GRID2: variants seen among roughly 807,000 people sequenced by gnomAD.
The protein encoded by GRID2 is glutamate ionotropic receptor delta type subunit 2, also known as glutamate receptor ionotropic, delta-2.
Under a neutral mutation model 114.8 loss-of-function variants are expected in GRID2, and 33 were observed. The observed-to-expected ratio is 0.29, with a 90% CI of 0.22 to 0.38. GRID2 has a LOEUF of 0.38. Ranked by LOEUF, GRID2 falls within the 10% of genes least tolerant of loss-of-function variation. GRID2 has a pLI of 1.00. For synonymous variants in GRID2, 505 were observed against 449.9 expected, an observed-to-expected ratio of 1.12 and a Z score of -1.55; for missense variants, 1,184 against 1,257.7, an observed-to-expected ratio of 0.94 and a Z score of 0.89.
intron 1 of GRID2, among the ~76,000 whole-genome samples, chr4:92,415,412 A>G (rs529955813): frequency 6.6e-6 from 1 of 151,770 alleles, no homozygotes; most frequent in Non-Finnish European, 1.5e-5. Flanking sequence ...ATTTTGGTGC[A>G]CTGATTACCC....
In GRID2 at chr4:93,109,602, A is replaced by T. The variant is rs545354416; in HGVS notation, c.530-1146A>T. ...AAATTTTACTTGCAGGGAAGCACAC[A>T]CTATTAAGGATTTTGAGATCTAGTC... On this transcript the variant is annotated intron_variant, in intron 3 of 15. Coordinates refer to ENST00000282020, the MANE Select transcript of GRID2 (RefSeq NM_001510.4). 3.3e-5 allele frequency among the ~76,000 whole-genome samples: 5 copies of T among 152,070 alleles called. No individual in the cohort carries two copies. In the East Asian group the frequency reaches 9.6e-4, roughly 29 times the overall value.
At chr4:92,636,196 T>C (rs555858087) in intron 2 of GRID2, among the ~76,000 whole-genome samples, 1 of 152,100 alleles carries the variant, frequency 6.6e-6, no homozygotes, top group South Asian at 2.1e-4. Context: ...TCGTTGAAGA[T>C]TATTAATCAC....
chr4:92,978,380 A>T (rs1006133482), intron 2 of GRID2, among the ~76,000 whole-genome samples: 17 of 152,066 alleles, frequency 1.1e-4, no homozygotes, highest in African/African-American at 3.6e-4. Flanking sequence ...CTATAAGAGG[A>T]AGTTCATTAT....
intron 8 of GRID2, among the ~76,000 whole-genome samples, chr4:93,252,539 T>C (rs892288388): frequency 1.3e-5 from 2 of 152,148 alleles, no homozygotes; most frequent in Non-Finnish European, 2.9e-5. Context: ...TAGGATTGTC[T>C]TGACCATTTG....
At chr4:92,539,243 T>C (rs774014742) in intron 1 of GRID2, among the ~76,000 whole-genome samples, 59 of 152,158 alleles carry the variant, frequency 3.9e-4, no homozygotes, top group Non-Finnish European at 8.2e-4. Flanking sequence ...GTACTCTATT[T>C]GTTTCTAGAC....
chr4:93,545,846 A>G (rs2149534296), intron 13 of GRID2, among the ~76,000 whole-genome samples: 1 of 152,358 alleles, frequency 6.6e-6, no homozygotes, highest in Admixed American at 6.5e-5. Context: ...AATTACATAA[A>G]GAAGCAATTC....
At chr4:93,342,460 A>G (rs552976133) in intron 8 of GRID2, among the ~76,000 whole-genome samples, 1 of 152,258 alleles carries the variant, frequency 6.6e-6, no homozygotes, top group Non-Finnish European at 1.5e-5. Flanking sequence ...TATTATTATC[A>G]TTCCCCCTCC....
intron 4 of GRID2, among the ~76,000 whole-genome samples, chr4:93,163,380 ATATATATATATATATATATACAC>A (rs1737905953): frequency 1.4e-4 from 6 of 43,014 alleles, no homozygotes; most frequent in Admixed American, 4.2e-4. Context: ...ATATATATAT[ATATATATATATATATATATACAC>A]TATATATATA....
rs567896172 is a variant in GRID2 at position 92,341,193 on chromosome 4, A to C, written c.88+36449A>C. ...TGTGGCTTATACATTTGATGGTGTT[A>C]ATTTTTCAAATCAGGTTAGAAAATC... On this transcript the variant is annotated intron_variant, in intron 1 of 15. Transcript: ENST00000282020. 1.4e-4 allele frequency among the ~76,000 whole-genome samples: 22 copies of C among 152,228 alleles called. No homozygotes were observed. The South Asian group carries it at 3.3e-3, about 23-fold the overall frequency.
chr4:92,367,007 G>A (rs753097963), intron 1 of GRID2, among the ~76,000 whole-genome samples: 3 of 151,884 alleles, frequency 2.0e-5, no homozygotes, highest in Non-Finnish European at 4.4e-5. Flanking sequence ...CTTCAATTTC[G>A]AATATTTCTT....
intron 2 of GRID2, among the ~76,000 whole-genome samples, chr4:93,053,166 G>A (rs141256958): frequency 1.1e-3 from 167 of 151,892 alleles, no homozygotes; most frequent in African/African-American, 3.8e-3. Flanking sequence ...TTCTTAAAGC[G>A]TTGTCCCAGA....
At chr4:93,251,946 G>C (rs1748985680) in intron 8 of GRID2, among the ~76,000 whole-genome samples, 1 of 152,162 alleles carries the variant, frequency 6.6e-6, no homozygotes, top group Non-Finnish European at 1.5e-5. Flanking sequence ...GTGAACACAA[G>C]TGTGCATGTC....
intron 10 of GRID2, among the ~76,000 whole-genome samples, chr4:93,449,631 G>A (rs1001746337): frequency 6.6e-6 from 1 of 152,046 alleles, no homozygotes; most frequent in African/African-American, 2.4e-5. Flanking sequence ...ATAGACAAAC[G>A]TGGCTTGATG....
intron 12 of GRID2, among the ~76,000 whole-genome samples, chr4:93,506,956 T>G (rs932431040): frequency 1.3e-5 from 2 of 152,194 alleles, no homozygotes; most frequent in Non-Finnish European, 2.9e-5. Context: ...GGGTTCCTCC[T>G]GAATTACCCC....
chr4:93,489,904 T>C (rs1290944024), intron 11 of GRID2, among the ~76,000 whole-genome samples: 2 of 151,922 alleles, frequency 1.3e-5, no homozygotes, highest in African/African-American at 2.4e-5. Context: ...CTTTTATCTA[T>C]AGCTCTCTAG....
chr4:93,617,283 C>T (rs1741776681), intron 13 of GRID2, among the ~76,000 whole-genome samples: 1 of 152,138 alleles, frequency 6.6e-6, no homozygotes. Context: ...GGGAATGGTA[C>T]AATAATGTAT....
intron 14 of GRID2, among the ~76,000 whole-genome samples, chr4:93,738,626 G>A (rs1056415604): frequency 6.6e-6 from 1 of 152,108 alleles, no homozygotes; most frequent in African/African-American, 2.4e-5. Context: ...AAGTGACTAG[G>A]TGGAAGGAGA....
At chr4:92,875,176 T>TA (rs1491137154) in intron 2 of GRID2, among the ~76,000 whole-genome samples, 5 of 115,842 alleles carry the variant, frequency 4.3e-5, no homozygotes, top group Admixed American at 8.5e-5. Context: ...TTTTTTTTTT[T>TA]CCCGAGACGG....
chr4:93,306,259 T>C (rs115257197), intron 8 of GRID2: 2 of 152,290 alleles, frequency 1.3e-5, no homozygotes, highest in Non-Finnish European at 2.9e-5. Context: ...AGCTTTTATG[T>C]TTAGGTAGAA....
Sources: allele counts gnomAD v4.1 joint callset (sites outside exome capture counted in the v4.1 genomes callset), GRCh38; gene constraint gnomAD v4.1.1; transcripts MANE v1.5; gene names NCBI Gene and HGNC (gene_info 2026-07-23, HGNC 2026-07-21).